The following LDB2 variants were observed in gnomAD, a reference collection of about 807,000 sequenced individuals.
LDB2 encodes LIM domain-binding protein 2.
LDB2 carries 12 observed loss-of-function variants against 44.3 expected under a neutral mutation model. That is an observed-to-expected ratio of 0.27 (90% CI 0.17 to 0.44). LDB2 has a LOEUF of 0.44. LDB2 is among the 20% of genes least tolerant of loss of function. LDB2 has a pLI of 1.00. For synonymous variants in LDB2, 164 were observed against 174.8 expected (o/e 0.94, Z 0.49); for missense variants, 344 against 473.5 (o/e 0.73, Z 2.54).
chr4:16,757,696 G>A (rs1766958937), intron 2 of LDB2, among the ~76,000 whole-genome samples: 1 of 152,150 alleles, frequency 6.6e-6, no homozygotes, highest in African/African-American at 2.4e-5. Flanking sequence ...TGATCAGGCA[G>A]CTTTTTGAGG....
At chr4:16,697,396 A>G (rs1224983142) in intron 2 of LDB2, among the ~76,000 whole-genome samples, 2 of 150,470 alleles carry the variant, frequency 1.3e-5, no homozygotes, top group African/African-American at 4.9e-5. Flanking sequence ...CAGAGCTTGC[A>G]GTGAGCAGTG....
chr4:16,652,460 C>A (rs1256463596), intron 2 of LDB2, among the ~76,000 whole-genome samples: 2 of 151,958 alleles, frequency 1.3e-5, no homozygotes, highest in Non-Finnish European at 2.9e-5. Context: ...AGTGAGAAGC[C>A]CTGGACAATT....
At chr4:16,558,477 G>T (rs1211835332) in intron 5 of LDB2, among the ~76,000 whole-genome samples, 1 of 152,124 alleles carries the variant, frequency 6.6e-6, no homozygotes, top group Admixed American at 6.5e-5. Flanking sequence ...AAGACGAAAT[G>T]AATGAAATGA....
intron 1 of LDB2, among the ~76,000 whole-genome samples, chr4:16,821,753 A>AAAAAAAAAAAAAAAAAAAC: frequency 6.7e-6 from 1 of 148,284 alleles, no homozygotes; most frequent in Non-Finnish European, 1.5e-5. Flanking sequence ...AAGCAAAAAA[A>AAAAAAAAAAAAAAAAAAAC]AAAAAAAAAA....
chr4:16,889,624 G>C (rs990091686), intron 1 of LDB2, among the ~76,000 whole-genome samples: 3 of 152,174 alleles, frequency 2.0e-5, no homozygotes, highest in African/African-American at 7.2e-5. Context: ...CGTCAGGATG[G>C]CCAGTGCTGG....
rs138493384 is a variant in LDB2 at position 16,715,220 on chromosome 4, C to T, written c.235+43938G>A. Among the ~76,000 whole-genome samples, 77 of 152,238 alleles carry T rather than the reference C, an allele frequency of 5.1e-4. No homozygotes were observed. The East Asian group carries it at 0.01, about 20-fold the overall frequency. ...AGGTATTAAACCAGGAGGCAGAAGG[C>T]CTCTAGTACACACTCAAACAAGGAT... On this transcript the variant is annotated intron_variant, in intron 2 of 7. Transcript: ENST00000304523.
At chr4:16,523,107 G>C (rs750190160) in intron 5 of LDB2, among the ~76,000 whole-genome samples, 9 of 152,112 alleles carry the variant, frequency 5.9e-5, no homozygotes, top group Non-Finnish European at 1.2e-4. Flanking sequence ...AGTACCAATG[G>C]GGTATGTATA....
At chr4:16,827,893 TC>T (rs1421418090) in intron 1 of LDB2, among the ~76,000 whole-genome samples, 1 of 152,130 alleles carries the variant, frequency 6.6e-6, no homozygotes, top group South Asian at 2.1e-4. Context: ...GGATTTCGTA[TC>T]CTCTTATCTC....
chr4:16,750,058 T>C (rs909432482), intron 2 of LDB2, among the ~76,000 whole-genome samples: 2 of 152,226 alleles, frequency 1.3e-5, no homozygotes, highest in Non-Finnish European at 1.5e-5. Flanking sequence ...TGTTTTGATA[T>C]ACATATACTT....
chr4:16,584,369 G>T (rs1357071884), intron 5 of LDB2, among the ~76,000 whole-genome samples: 1 of 152,184 alleles, frequency 6.6e-6, no homozygotes, highest in African/African-American at 2.4e-5. Context: ...AGTCTCCCGT[G>T]CTCACTAGCA....
chr4:16,760,788 A>T (rs1424810763), intron 1 of LDB2, among the ~76,000 whole-genome samples: 1 of 152,062 alleles, frequency 6.6e-6, no homozygotes, highest in Admixed American at 6.5e-5. Flanking sequence ...CTTTTAAAAA[A>T]CTCAGTGGGC....
chr4:16,772,108 C>T (rs909643271), intron 1 of LDB2, among the ~76,000 whole-genome samples: 3 of 152,124 alleles, frequency 2.0e-5, no homozygotes, highest in African/African-American at 7.2e-5. Context: ...CAGCTGCGTC[C>T]ACCACCAGTG....
At chr4:16,772,434 A>G (rs1204293677) in intron 1 of LDB2, among the ~76,000 whole-genome samples, 1 of 152,216 alleles carries the variant, frequency 6.6e-6, no homozygotes, top group Non-Finnish European at 1.5e-5. Context: ...TCTATCAAGG[A>G]GACACATTAA....
At chr4:16,670,694 C>T (rs12331899) in intron 2 of LDB2, among the ~76,000 whole-genome samples, 6,699 of 152,290 alleles carry the variant, frequency 0.044, 482 homozygotes, top group African/African-American at 0.15. Context: ...GGGCAAATTA[C>T]TTAACTATCC....
chr4:16,879,083 T>C (rs1188726339), intron 1 of LDB2, among the ~76,000 whole-genome samples: 1 of 152,202 alleles, frequency 6.6e-6, no homozygotes, highest in Admixed American at 6.5e-5. Context: ...CCAATGTCTG[T>C]TTTTATGCGG....
intron 1 of LDB2, among the ~76,000 whole-genome samples, chr4:16,785,782 C>T (rs910909557): frequency 1.3e-5 from 2 of 152,126 alleles, no homozygotes; most frequent in African/African-American, 4.8e-5. Context: ...ACTTAGAAGG[C>T]TTATCTTCTC....
At chr4:16,659,213 C>A (rs1024261202) in intron 2 of LDB2, among the ~76,000 whole-genome samples, 2 of 152,078 alleles carry the variant, frequency 1.3e-5, no homozygotes, top group African/African-American at 4.8e-5. Flanking sequence ...GTGGAAAAGG[C>A]CTGAGATGTA....
intron 1 of LDB2, among the ~76,000 whole-genome samples, chr4:16,832,343 G>A (rs182366775): frequency 6.6e-6 from 1 of 152,086 alleles, no homozygotes; most frequent in Non-Finnish European, 1.5e-5. Context: ...CAGAGTTAGG[G>A]TTGCTAAAAT....
At chr4:16,790,555 G>A (rs749629048) in intron 1 of LDB2, among the ~76,000 whole-genome samples, 3 of 152,260 alleles carry the variant, frequency 2.0e-5, no homozygotes, top group South Asian at 2.1e-4. Flanking sequence ...GTTTGTGTAC[G>A]TACACTCCAT....
Sources: gnomAD v4.1 joint callset for allele counts (sites outside exome capture counted in the v4.1 genomes callset) on GRCh38, gnomAD v4.1.1 for gene constraint, MANE v1.5 for transcripts, NCBI Gene and HGNC (gene_info 2026-07-23, HGNC 2026-07-21) for gene names.